The following IGSF3 variants were observed in gnomAD, a reference collection of about 807,000 sequenced individuals.
IGSF3 encodes the protein glu-Trp-Ile EWI motif-containing protein 3.
IGSF3 carries 23 observed loss-of-function variants against 114.4 expected under a neutral mutation model. That is an observed-to-expected ratio of 0.20 (90% CI 0.14 to 0.28). IGSF3 has a LOEUF of 0.28. Ranked by LOEUF, IGSF3 falls within the 10% of genes least tolerant of loss-of-function variation. The pLI, the probability that IGSF3 is intolerant of heterozygous loss-of-function variation, is 1.00. For missense variants in IGSF3, 1,172 were observed against 1,591.5 expected, an observed-to-expected ratio of 0.74 and a Z score of 4.48; for synonymous variants, 571 against 645.2, an observed-to-expected ratio of 0.88 and a Z score of 1.74.
intron 2 of IGSF3, among the ~76,000 whole-genome samples, chr1:116,622,184 C>A (rs1288190396): frequency 6.6e-6 from 1 of 152,184 alleles, no homozygotes; most frequent in Admixed American, 6.5e-5. Flanking sequence ...CATTCAGCAC[C>A]ATGCTCCTCC....
In IGSF3 at chr1:116,605,434, G is replaced by A. The variant is rs1265752772; in HGVS notation, c.1223-1409C>T. Among the ~76,000 whole-genome samples, 1 of 152,086 alleles carries A rather than the reference G, an allele frequency of 6.6e-6. No individual in the cohort carries two copies. The highest frequency in any genetic ancestry group is 2.4e-5 in the African/African-American group (1 of 41,418). On this transcript the variant is annotated intron_variant, in intron 5 of 10. Coordinates refer to ENST00000369486, the MANE Select transcript of IGSF3 (RefSeq NM_001007237.3). The surrounding 1 kb of genome is among the most constrained non-coding windows in gnomAD (Gnocchi z 5.1). ...AAAAATAAAAGGTCTGGATGGGGCAGGGAATAGCAATTTTCCTAGGAGGGC... is the reference window on the plus strand; with the variant it reads ...AAAAATAAAAGGTCTGGATGGGGCAAGGAATAGCAATTTTCCTAGGAGGGC...
rs1486093044 is a variant in IGSF3 at position 116,612,612 on chromosome 1, G to C, written c.832+1153C>G. ...ACAACTGACTGCAGCAAATGGAACA[G>C]GGAGCCCAAGAGACAGGTCCTGACG... On this transcript the variant is annotated intron_variant, in intron 4 of 10. Coordinates refer to ENST00000369486, the MANE Select transcript of IGSF3 (RefSeq NM_001007237.3). This position sits in a 1 kb window ranked among gnomAD's most constrained non-coding sequence, Gnocchi z 4.1. Among the ~76,000 whole-genome samples, 1 of 152,236 alleles carries C rather than the reference G, an allele frequency of 6.6e-6. No individual in the cohort carries two copies. Among genetic ancestry groups the C allele is most frequent in the Admixed American group, 6.5e-5 (1 of 15,290 alleles).
rs1660433441 is a variant in IGSF3 at position 116,598,451 on chromosome 1, T to C, written c.2029+1490A>G. Among the ~76,000 whole-genome samples the C allele has an allele frequency of 6.6e-6, 1 of 152,196 alleles. No homozygotes were observed. Among genetic ancestry groups the C allele is most frequent in the Non-Finnish European group, 1.5e-5 (1 of 68,038 alleles). On this transcript the variant is annotated intron_variant, in intron 7 of 10. Coordinates refer to ENST00000369486, the MANE Select transcript of IGSF3 (RefSeq NM_001007237.3). This position sits in a 1 kb window ranked among gnomAD's most constrained non-coding sequence, Gnocchi z 4.3. ...TTGTCAGTCGAAGTTTAGGCTGTCA[T>C]TGGCCAAGGGAACAGTCTCGTCATT...
rs1557859697 is a variant in IGSF3 at position 116,589,940 on chromosome 1, T to C, written c.2030-836A>G. On this transcript the variant is annotated intron_variant, in intron 7 of 10. Coordinates refer to ENST00000369486, the MANE Select transcript of IGSF3 (RefSeq NM_001007237.3). The surrounding 1 kb of genome is among the most constrained non-coding windows in gnomAD (Gnocchi z 5.7). ...TTCTTATCGCTGCACCCCCAGAGCC[T>C]AGCACAGCACCTGGGCCAGGAAAGC... is the stretch of plus-strand genomic sequence containing the variant. Among the ~76,000 whole-genome samples, 2 of 152,182 alleles carry C rather than the reference T, an allele frequency of 1.3e-5. No individual in the cohort carries two copies. The highest frequency in any genetic ancestry group is 1.5e-5 in the Non-Finnish European group (1 of 68,030).
At chr1:116,660,357 C>A (rs4044696) in intron 2 of IGSF3, among the ~76,000 whole-genome samples, 1 of 152,008 alleles carries the variant, frequency 6.6e-6, no homozygotes, top group Non-Finnish European at 1.5e-5. Flanking sequence ...GATAGAGATG[C>A]GGTCTCACTA....
At position 116,644,744 on chromosome 1, in the gene IGSF3, C is replaced by A. The variant is rs1482488282; in HGVS notation, c.43+21540G>T. 6.6e-6 allele frequency among the ~76,000 whole-genome samples: 1 copy of A among 152,182 alleles called. No individual in the cohort carries two copies. Among genetic ancestry groups the A allele is most frequent in the Non-Finnish European group, 1.5e-5 (1 of 68,038 alleles). On this transcript the variant is annotated intron_variant, in intron 2 of 10. Transcript: ENST00000369486. This position sits in a 1 kb window ranked among gnomAD's most constrained non-coding sequence, Gnocchi z 5.6. ...AGGACCTCCTCAGGAAACCTCCCCA[C>A]CAGCAACTGGCTCCAAATGGTCAGA...
In IGSF3 at chr1:116,625,021, C is replaced by A. The variant is rs1661533140; in HGVS notation, c.44-8564G>T. Among the ~76,000 whole-genome samples, 2 of 152,264 alleles carry A rather than the reference C, an allele frequency of 1.3e-5. No homozygotes were observed. Among genetic ancestry groups the A allele is most frequent in the African/African-American group, 4.8e-5 (2 of 41,474 alleles). Reference sequence around the variant, plus strand: ...GCCATGCCTGCTGTGCCTCTAAATTCTCGACCCACAGATTCTGTGAGCATA... The same window carrying A: ...GCCATGCCTGCTGTGCCTCTAAATTATCGACCCACAGATTCTGTGAGCATA... On this transcript the variant is annotated intron_variant, in intron 2 of 10. Coordinates refer to ENST00000369486, the MANE Select transcript of IGSF3 (RefSeq NM_001007237.3). This position sits in a 1 kb window ranked among gnomAD's most constrained non-coding sequence, Gnocchi z 4.7.
chr1:116,661,973 T>C lies in IGSF3; in HGVS notation c.43+4311A>G, dbSNP rs1649136376. Among the ~76,000 whole-genome samples the C allele has an allele frequency of 6.6e-6, 1 of 152,198 alleles. No individual in the cohort carries two copies. The highest frequency in any genetic ancestry group is 2.4e-5 in the African/African-American group (1 of 41,450). ...ATGGCTGCGGCTAGAAGAGTCATCTTGGACCATGAAGTCATCTTGGGAATA... is the reference window on the plus strand; with the variant it reads ...ATGGCTGCGGCTAGAAGAGTCATCTCGGACCATGAAGTCATCTTGGGAATA... On this transcript the variant is annotated intron_variant, in intron 2 of 10. Coordinates refer to ENST00000369486, the MANE Select transcript of IGSF3 (RefSeq NM_001007237.3). The surrounding 1 kb of genome is among the most constrained non-coding windows in gnomAD (Gnocchi z 4.0).
At chr1:116,611,606 C>T (rs886181707) in intron 4 of IGSF3, among the ~76,000 whole-genome samples, 3 of 151,932 alleles carry the variant, frequency 2.0e-5, no homozygotes, top group African/African-American at 7.3e-5. Flanking sequence ...CTCCTTTCTG[C>T]TTGGCAAACA....
At position 116,584,836 on chromosome 1, in the gene IGSF3, T is replaced by C. The variant is rs764577839; in HGVS notation, c.2657A>G (p.Asn886Ser). 2 of 1,614,224 alleles carry C rather than the reference T, an allele frequency of 1.2e-6. No homozygotes were observed. The highest frequency in any genetic ancestry group is 2.2e-5 in the South Asian group (2 of 91,088). The change falls in exon 9 of 11, where the codon AAT becomes AGT. Residue 886 changes from asparagine (N) to serine (S), a missense_variant. By Grantham distance (46) the Asn-to-Ser change is conservative (BLOSUM62 1). This residue lies in a region of IGSF3 where 423 missense variants were observed against 509.8 expected (regional missense o/e 0.83). Transcript: ENST00000369486. The surrounding 1 kb of genome is among the most constrained non-coding windows in gnomAD (Gnocchi z 5.8). ...FHYGEQAAKN[N>S]LKGRLHLESP... is the part of the protein sequence containing the mutation. ...CTCCAAATGCAGCCGCCCCTTCAGATTGTTCTTGGCTGCCTGCTCTCCATA... is the reference window on the plus strand; with the variant it reads ...CTCCAAATGCAGCCGCCCCTTCAGACTGTTCTTGGCTGCCTGCTCTCCATA...
Position 116,593,545 on chromosome 1 carries a change from C to T in IGSF3, c.2030-4441G>A, listed in dbSNP as rs192274460. 6.6e-6 allele frequency among the ~76,000 whole-genome samples: 1 copy of T among 152,348 alleles called. No individual in the cohort carries two copies. Among genetic ancestry groups the T allele is most frequent in the East Asian group, 1.9e-4 (1 of 5,188 alleles). On this transcript the variant is annotated intron_variant, in intron 7 of 10. Coordinates refer to ENST00000369486, the MANE Select transcript of IGSF3 (RefSeq NM_001007237.3). This position sits in a 1 kb window ranked among gnomAD's most constrained non-coding sequence, Gnocchi z 4.5. ...GGTGAGCTGCATGGGAAGCCAGTGG[C>T]ACAGGCGCCTGCCAGTCAAACTGTT...
At chr1:116,646,435 ATTTTACT>A (rs1648373530) in intron 2 of IGSF3, among the ~76,000 whole-genome samples, 1 of 152,174 alleles carries the variant, frequency 6.6e-6, no homozygotes, top group Non-Finnish European at 1.5e-5. Flanking sequence ...TTGATGTCTA[ATTTTACT>A]CCAAAAGTTC....
Position 116,666,270 on chromosome 1 carries a change from G to A in IGSF3, c.43+14C>T. 3.1e-6 allele frequency: 5 copies of A among 1,612,786 alleles called. No individual in the cohort carries two copies. The highest frequency in any genetic ancestry group is 4.2e-6 in the Non-Finnish European group (5 of 1,178,792). On this transcript the variant is annotated intron_variant, in intron 2 of 10. Transcript: ENST00000369486. ...ACTTTCACATCGATTGCACTGATAA[G>A]CAGAGCCACTTACCCAGCACAGCCA...
Position 116,577,630 on chromosome 1 carries a change from G to A in IGSF3, c.3335-68C>T. The A allele has an allele frequency of 6.5e-7, 1 of 1,528,688 alleles. No homozygotes were observed. Among genetic ancestry groups the A allele is most frequent in the Non-Finnish European group, 8.9e-7 (1 of 1,119,226 alleles). 94.7% of individuals were successfully genotyped at this position (1,528,688 alleles called of 1,614,324 possible). The stretch of plus-strand genomic sequence containing the variant: ...ACCTGGACTGCTCACATTTCCTTTT[G>A]AAGACCTCACCTGACCCAGTGGAAG... On this transcript the variant is annotated intron_variant, in intron 10 of 10. Coordinates refer to ENST00000369486, the MANE Select transcript of IGSF3 (RefSeq NM_001007237.3). The surrounding 1 kb of genome is among the most constrained non-coding windows in gnomAD (Gnocchi z 5.7).
Position 116,650,777 on chromosome 1 carries a change from G to C in IGSF3, c.43+15507C>G, listed in dbSNP as rs566248482. Reference sequence around the variant, plus strand: ...ATTATCCTGTGGGTGTGAGAAAAGAGTGTGCATTATAATAGGGTGCTACAA... The same window carrying C: ...ATTATCCTGTGGGTGTGAGAAAAGACTGTGCATTATAATAGGGTGCTACAA... On this transcript the variant is annotated intron_variant, in intron 2 of 10. Transcript: ENST00000369486. The surrounding 1 kb of genome is among the most constrained non-coding windows in gnomAD (Gnocchi z 5.0). Among the ~76,000 whole-genome samples the C allele has an allele frequency of 6.6e-6, 1 of 152,358 alleles. No individual in the cohort carries two copies. Among genetic ancestry groups the C allele is most frequent in the Admixed American group, 6.5e-5 (1 of 15,304 alleles).
Position 116,582,484 on chromosome 1 carries a change from A to C in IGSF3, c.2848+2161T>G, listed in dbSNP as rs191294783. Reference sequence around the variant, plus strand: ...AGGATGGGAGCCCTTCATTCCATGTATTTCAGATTATTGTGAATGTCAACT... The same window carrying C: ...AGGATGGGAGCCCTTCATTCCATGTCTTTCAGATTATTGTGAATGTCAACT... On this transcript the variant is annotated intron_variant, in intron 9 of 10. Transcript: ENST00000369486. The surrounding 1 kb of genome is among the most constrained non-coding windows in gnomAD (Gnocchi z 4.7). 5.3e-5 allele frequency among the ~76,000 whole-genome samples: 8 copies of C among 152,268 alleles called. 1 individual carries two copies. Among genetic ancestry groups the C allele is most frequent in the Admixed American group, 4.6e-4 (7 of 15,296 alleles).
chr1:116,584,993 C>T lies in IGSF3; in HGVS notation c.2500G>A (p.Val834Ile). The T allele has an allele frequency of 6.3e-7, 1 of 1,580,874 alleles. No individual in the cohort carries two copies. The highest frequency in any genetic ancestry group is 2.3e-5 in the East Asian group (1 of 44,264). ...GNLSVLETRQ[V>I]QLECVVLNRT... is the part of the protein sequence containing the mutation. ...TTGAGAACCACACACTCCAGCTGTA[C>T]CTGCCGGGTCTCCAGAACCGACAGG... Residue 834 changes from valine (V) to isoleucine (I), a missense_variant, in exon 9 of 11, where the codon GTA becomes ATA. Around this residue, in one of 3 missense-constraint regions of IGSF3, gnomAD observed 423 missense variants for 509.8 expected, o/e 0.83. Coordinates refer to ENST00000369486, the MANE Select transcript of IGSF3 (RefSeq NM_001007237.3). This position sits in a 1 kb window ranked among gnomAD's most constrained non-coding sequence, Gnocchi z 5.8.
rs1285360050 is a variant in IGSF3 at position 116,584,675 on chromosome 1, C to T, written c.2818G>A (p.Gly940Arg). ...CGCATGACTGTCAGAGCTGTCTGCC[C>T]AGCGGTGTCCTCTGCCCGCTTATAC... ...MWYKRAEDTA[G>R]QTALTVMRPD... is the part of the protein sequence containing the mutation. Residue 940 changes from glycine (G) to arginine (R), a missense_variant, in exon 9 of 11, where the codon GGG (glycine) becomes AGG (arginine). Transcript: ENST00000369486. This position sits in a 1 kb window ranked among gnomAD's most constrained non-coding sequence, Gnocchi z 5.8. 6.2e-7 allele frequency: 1 copy of T among 1,614,180 alleles called. No homozygotes were observed. Among genetic ancestry groups the T allele is most frequent in the Non-Finnish European group, 8.5e-7 (1 of 1,179,992 alleles).
Position 116,583,790 on chromosome 1 carries a change from T to G in IGSF3, c.2848+855A>C, listed in dbSNP as rs534126570. ...GTAGCTTTGATTATGTGTTTAAATGTGCAACAACAATTATACCTAGTAATT... is the reference window on the plus strand; with the variant it reads ...GTAGCTTTGATTATGTGTTTAAATGGGCAACAACAATTATACCTAGTAATT... On this transcript the variant is annotated intron_variant, in intron 9 of 10. Transcript: ENST00000369486. The surrounding 1 kb of genome is among the most constrained non-coding windows in gnomAD (Gnocchi z 4.5). 5.9e-5 allele frequency among the ~76,000 whole-genome samples: 9 copies of G among 152,294 alleles called. No individual in the cohort carries two copies. Among genetic ancestry groups the G allele is most frequent in the African/African-American group, 2.2e-4 (9 of 41,544 alleles).
Sources: allele counts gnomAD v4.1 joint callset (sites outside exome capture counted in the v4.1 genomes callset), GRCh38; gene constraint gnomAD v4.1.1; regional missense constraint gnomAD v4.1.1; non-coding constraint Gnocchi (gnomAD v3.1); transcripts MANE v1.5; gene names NCBI Gene and HGNC (gene_info 2026-07-23, HGNC 2026-07-21).